Variants in POLE observed in about 807,000 individuals in gnomAD.
POLE encodes DNA polymerase epsilon catalytic subunit A.
POLE carries 188 observed loss-of-function variants against 279.2 expected under a neutral mutation model. The observed-to-expected ratio is 0.67, with a 90% CI of 0.60 to 0.76. The LOEUF is 0.76. POLE is among the 30% of genes least tolerant of loss of function. POLE has a pLI of 0.00. For missense variants in POLE, 2,703 were observed against 3,016.7 expected (o/e 0.90, Z 2.44); for synonymous variants, 1,214 against 1,172.5 (o/e 1.04, Z -0.72).
Position 132,642,394 on chromosome 12 carries a change from G to C in POLE, c.4956C>G (p.Tyr1652Ter), listed in dbSNP as rs1468753963. 6.3e-7 allele frequency: 1 copy of C among 1,578,700 alleles called. No homozygotes were observed. The highest frequency in any genetic ancestry group is 8.6e-7 in the Non-Finnish European group (1 of 1,158,740). The change falls in exon 38 of 49, where the codon TAC becomes TAG. Residue 1652 changes from tyrosine to a stop codon, truncating the protein, a stop_gained. Transcript: ENST00000320574. LOFTEE classifies it high-confidence loss of function. ...CLSQAFEMSRYFHIPIGNLPE... is the reference protein window; with the variant it reads ...CLSQAFEMSR ...GTAGGTTCCCAATGGGAATGTGAAA[G>C]TACCTGCACCAGGGCACAGGTCAGC...
Position 132,663,906 on chromosome 12 carries a change from A to G in POLE, c.2706+98T>C. ...AGCAATGTGAGCAGTGCTGGGTGCC[A>G]GGAAGGCATGCACACTGTGAGGTGC... On this transcript the variant is annotated intron_variant, in intron 23 of 48. Transcript: ENST00000320574. The G allele has an allele frequency of 2.3e-6, 3 of 1,310,358 alleles. No individual in the cohort carries two copies. In the East Asian group the frequency reaches 6.9e-5, roughly 30 times the overall value. The allele number at this position is 1,310,358 out of a possible 1,614,324, so 81.2% of individuals were successfully genotyped here.
At chr12:132,662,142 GTGCTGGGATCCCA>G (rs1014100271) in intron 23 of POLE, among the ~76,000 whole-genome samples, 1 of 152,186 alleles carries the variant, frequency 6.6e-6, no homozygotes. Context: ...TCCAGCCATG[GTGCTGGGATCCCA>G]AGAGGGGTGC....
At chr12:132,648,737 C>G (rs776132951) in intron 32 of POLE, 192 bp downstream of exon 32, 4 of 573,232 alleles carry the variant, frequency 7.0e-6, no homozygotes, top group Non-Finnish European at 1.2e-5. Flanking sequence ...GACAAGGACA[C>G]CAGCAGCTCC....
At chr12:132,663,395 G>A (rs1008124376) in intron 23 of POLE, among the ~76,000 whole-genome samples, 8 of 152,246 alleles carry the variant, frequency 5.3e-5, no homozygotes, top group Non-Finnish European at 7.3e-5. Flanking sequence ...GGAGGGTGTC[G>A]CACCTGTGGA....
In POLE at chr12:132,624,439, G is replaced by A. The variant is rs1167748036; in HGVS notation, c.*258C>T. 10 of 561,344 alleles carry A rather than the reference G, an allele frequency of 1.8e-5. No homozygotes were observed. The highest frequency in any genetic ancestry group is 3.8e-5 in the African/African-American group (2 of 53,276). 34.8% of individuals were successfully genotyped at this position (561,344 alleles called of 1,614,324 possible). A position where few individuals can be genotyped will look rare whatever the true frequency, so the allele number is the denominator to read the frequency against. ...TCACTGCGTGAGAAACGGCGCCCAG[G>A]GCACTCGCAGCCTCGCTCACGGCCT... On this transcript the variant is annotated 3_prime_UTR_variant, in exon 49 of 49. Transcript: ENST00000320574.
rs745636334 is a variant in POLE at position 132,661,583 on chromosome 12, G to T, written c.2808C>A (p.Pro936=). 1 of 1,614,142 alleles carries T rather than the reference G, an allele frequency of 6.2e-7. No homozygotes were observed. The highest frequency in any genetic ancestry group is 1.3e-5 in the African/African-American group (1 of 75,006). ...AGGCTGGAAGAATCATGGCAAGGTAGGGCCCATCAACCTCAAAAAAGATGC... is the reference window on the plus strand; with the variant it reads ...AGGCTGGAAGAATCATGGCAAGGTATGGCCCATCAACCTCAAAAAAGATGC... ...ENSIFFEVDG[P]YLAMILPASK... The change falls in exon 24 of 49, where the codon CCC becomes CCA. Residue 936 remains proline (P), a synonymous_variant. Transcript: ENST00000320574. The surrounding 1 kb of genome is among the most constrained non-coding windows in gnomAD (Gnocchi z 4.1).
chr12:132,674,888 C>T (rs1307099103), intron 12 of POLE, among the ~76,000 whole-genome samples: 1 of 147,776 alleles, frequency 6.8e-6, no homozygotes, highest in Non-Finnish European at 1.5e-5. Context: ...TTTCCTCCCT[C>T]CCTTCCCTTC....
rs5744812 is a variant in POLE, at chr12:132,666,577, G to A, written c.2319+926C>T. Among the ~76,000 whole-genome samples the A allele has an allele frequency of 9.0e-3, 1,375 of 152,254 alleles. 14 individuals are homozygous for A. Among genetic ancestry groups the A allele is most frequent in the African/African-American group, 0.032 (1,310 of 41,516 alleles). ...AACCTTGGTGACAGAGTGAGACCCC[G>A]TCTCCAAAAAAGAAAGCATCATGCT... On this transcript the variant is annotated intron_variant, in intron 20 of 48. Coordinates refer to ENST00000320574, the MANE Select transcript of POLE (RefSeq NM_006231.4).
rs759795841 is a variant in POLE, at chr12:132,626,152, C to G, written c.6496G>C (p.Asp2166His). 1 of 1,608,792 alleles carries G rather than the reference C, an allele frequency of 6.2e-7. No homozygotes were observed. The highest frequency in any genetic ancestry group is 1.1e-5 in the South Asian group (1 of 90,320). The change falls in exon 46 of 49, where the codon GAC becomes CAC. Residue 2166 changes from aspartate to histidine, a missense_variant. Transcript: ENST00000320574. ...GAAGAGTCTTTACACAGGTCCAGGT[C>G]GCGGCAGAAGTTACAGCTGCGGCAG... ...VICRSCNFCR[D>H]LDLCKDSSFS... is the part of the protein sequence containing the mutation.
intron 16 of POLE, 42 bp downstream of exon 16, chr12:132,672,173 C>T (rs377478135): frequency 4.1e-5 from 56 of 1,372,226 alleles, no homozygotes; most frequent in African/African-American, 1.3e-4. Flanking sequence ...GTGAAGAAGG[C>T]GCCAAACACA....
intron 41 of POLE, among the ~76,000 whole-genome samples, chr12:132,636,363 G>C (rs956911798): frequency 7.3e-6 from 1 of 136,512 alleles, no homozygotes; most frequent in Non-Finnish European, 1.5e-5. Flanking sequence ...GCTCTTTTAA[G>C]CTATCGTCAT....
In POLE at chr12:132,657,167, CT is replaced by C; in HGVS notation, c.3550del (p.Ser1184ValfsTer35). The C allele has an allele frequency of 6.2e-7, 1 of 1,614,050 alleles. No homozygotes were observed. The highest frequency in any genetic ancestry group is 8.5e-7 in the Non-Finnish European group (1 of 1,180,010). On this transcript the variant is annotated frameshift_variant, in exon 29 of 49. Coordinates refer to ENST00000320574, the MANE Select transcript of POLE (RefSeq NM_006231.4). LOFTEE classifies it high-confidence loss of function. ...KNDVYKQKKI[S>X]ELFTLEGRRQ... ...CCTGCCCTCCAGGGTGAAGAGCTCA[CT>C]GATCTTCTTCTGCTTGTAGACATCA...
chr12:132,657,811 GCT>G lies in POLE; in HGVS notation c.3378+55_3378+56del. ...ACATAATCCAACTCAGACATATTCT[GCT>G]CTGTCTAGCTTTCCTTGTAAACTTT... On this transcript the variant is annotated intron_variant, in intron 27 of 48. Transcript: ENST00000320574. 3.4e-6 allele frequency: 4 copies of G among 1,172,326 alleles called. No individual in the cohort carries two copies. In the East Asian group the frequency reaches 7.0e-5, roughly 21 times the overall value. The allele number at this position is 1,172,326 out of a possible 1,614,324, so 72.6% of individuals were successfully genotyped here.
At chr12:132,673,021 A>G in intron 14 of POLE, 143 bp downstream of exon 14, 1 of 753,300 alleles carries the variant, frequency 1.3e-6, no homozygotes, top group South Asian at 1.7e-5. Flanking sequence ...CCCAAAGGAC[A>G]TCCCTGACGT....
At chr12:132,665,790 C>G (rs542618486) in intron 20 of POLE, among the ~76,000 whole-genome samples, 1 of 152,284 alleles carries the variant, frequency 6.6e-6, no homozygotes, top group South Asian at 2.1e-4. Context: ...CCACAGATGT[C>G]TCATCAAATT....
At position 132,661,607 on chromosome 12, in the gene POLE, G is replaced by T. The variant is rs1011427549; in HGVS notation, c.2784C>A (p.Ser928Arg). The T allele has an allele frequency of 1.2e-6, 2 of 1,614,168 alleles. No homozygotes were observed. Among genetic ancestry groups the T allele is most frequent in the Non-Finnish European group, 1.7e-6 (2 of 1,180,006 alleles). Residue 928 changes from serine to arginine, a missense_variant, in exon 24 of 49, where the codon AGC (serine) becomes AGA (arginine). By Grantham distance (110) the Ser-to-Arg change is moderately radical. This residue lies in a region of POLE where 101 missense variants were observed against 115.4 expected (regional missense o/e 0.87). Coordinates refer to ENST00000320574, the MANE Select transcript of POLE (RefSeq NM_006231.4). This position sits in a 1 kb window ranked among gnomAD's most constrained non-coding sequence, Gnocchi z 4.1. ...AGGGCCCATCAACCTCAAAAAAGAT[G>T]CTGTTCTCTGAGCGGGTGACGTAGG... Reference protein sequence around the residue: ...SLTYVTRSENSIFFEVDGPYL... With the variant: ...SLTYVTRSENRIFFEVDGPYL...
chr12:132,676,273 G>A lies in POLE; in HGVS notation c.910-69C>T, dbSNP rs1172783835. The A allele has an allele frequency of 3.0e-6, 3 of 1,007,058 alleles. No homozygotes were observed. In the South Asian group the frequency reaches 3.9e-5, roughly 13 times the overall value. 62.4% of individuals were successfully genotyped at this position (1,007,058 alleles called of 1,614,324 possible). On this transcript the variant is annotated intron_variant, in intron 9 of 48. Coordinates refer to ENST00000320574, the MANE Select transcript of POLE (RefSeq NM_006231.4). ...AGCCAAGAAATGGCGTTCCCACCCT[G>A]CCCACACACTCTGCCTAGAGATTCT...
intron 47 of POLE, 59 bp from the exon 48 acceptor site, chr12:132,625,053 T>A (rs2138423636): frequency 1.5e-6 from 2 of 1,295,578 alleles, no homozygotes; most frequent in Non-Finnish European, 2.2e-6. Flanking sequence ...ACCTGCCTGC[T>A]GCTTCTTCAC....
intron 41 of POLE, 73 bp downstream of exon 41, chr12:132,637,941 G>A (rs2138498677): frequency 7.7e-6 from 12 of 1,550,630 alleles, no homozygotes; most frequent in East Asian, 2.3e-5. Context: ...GAGGAGAGCT[G>A]GCACCTCAGG....
Sources: allele counts gnomAD v4.1 joint callset (sites outside exome capture counted in the v4.1 genomes callset), GRCh38; gene constraint gnomAD v4.1.1; regional missense constraint gnomAD v4.1.1; non-coding constraint Gnocchi (gnomAD v3.1); transcripts MANE v1.5; gene names NCBI Gene and HGNC (gene_info 2026-07-23, HGNC 2026-07-21).